The following RAPGEF2 variants were observed in gnomAD, a reference collection of about 807,000 sequenced individuals.
RAPGEF2 encodes the protein PDZ domain containing guanine nucleotide exchange factor (GEF) 1.
In RAPGEF2, 54 loss-of-function variants were observed where a neutral mutation model predicts 186.7. The ratio of observed to expected loss-of-function variants is 0.29; its 90% CI spans 0.23 to 0.36. RAPGEF2 has a LOEUF of 0.36. RAPGEF2 is among the 10% of genes least tolerant of loss of function. The pLI, the probability that RAPGEF2 is intolerant of heterozygous loss-of-function variation, is 1.00. For missense variants in RAPGEF2, 1,532 were observed against 2,045.0 expected (o/e 0.75, Z 4.84); for synonymous variants, 712 against 705.9 (o/e 1.01, Z -0.14).
chr4:159,326,649 C>T (rs1765964686), intron 11 of RAPGEF2: 1 of 152,202 alleles, frequency 6.6e-6, no homozygotes, highest in Admixed American at 6.5e-5. Flanking sequence ...TCTATTCTTA[C>T]TCCCTGTCTG....
chr4:159,123,665 C>T (rs1015167949), intron 1 of RAPGEF2, among the ~76,000 whole-genome samples: 25 of 150,706 alleles, frequency 1.7e-4, no homozygotes, highest in African/African-American at 5.9e-4. Flanking sequence ...ACTACAGGCG[C>T]CCACCACCGC....
chr4:159,286,881 A>C (rs1185732391), intron 7 of RAPGEF2, among the ~76,000 whole-genome samples: 1 of 152,108 alleles, frequency 6.6e-6, no homozygotes, highest in African/African-American at 2.4e-5. Context: ...TCATGTTATT[A>C]CTGCTTGATT....
intron 3 of RAPGEF2, among the ~76,000 whole-genome samples, chr4:159,206,610 A>C (rs1479747570): frequency 6.6e-6 from 1 of 152,194 alleles, no homozygotes; most frequent in Non-Finnish European, 1.5e-5. Context: ...AGCTAGCTGC[A>C]CTGTGGAAAG....
At chr4:159,148,226 A>T (rs1264076696) in intron 1 of RAPGEF2, among the ~76,000 whole-genome samples, 1 of 152,140 alleles carries the variant, frequency 6.6e-6, no homozygotes, top group Non-Finnish European at 1.5e-5. Context: ...CTTCAACCAC[A>T]TTTACAGTTA....
intron 7 of RAPGEF2, among the ~76,000 whole-genome samples, chr4:159,302,333 C>T (rs959971320): frequency 1.9e-4 from 18 of 92,762 alleles, no homozygotes; most frequent in Non-Finnish European, 3.4e-4. Context: ...TCATTTGACA[C>T]GTTAATTTTT....
rs747763866 is a variant in RAPGEF2 at position 159,332,048 on chromosome 4, A to G, written c.1888+14A>G. ...CCAATTTATTTGGTAAGTATTTTGC[A>G]TACTTTTCATTTTTCTCCTTTTGGC... On this transcript the variant is annotated intron_variant, in intron 16 of 29. Coordinates refer to ENST00000691494, the MANE Select transcript of RAPGEF2 (RefSeq NM_001394067.2). 15 of 1,521,224 alleles carry G rather than the reference A, an allele frequency of 9.9e-6. No individual in the cohort carries two copies. In the South Asian group the frequency reaches 1.6e-4, roughly 16 times the overall value. 94.2% of individuals were successfully genotyped at this position (1,521,224 alleles called of 1,614,324 possible).
At chr4:159,265,200 G>A (rs1409738494) in intron 7 of RAPGEF2, among the ~76,000 whole-genome samples, 4 of 152,122 alleles carry the variant, frequency 2.6e-5, no homozygotes, top group Non-Finnish European at 4.4e-5. Flanking sequence ...TGCTTGGTGC[G>A]GTGAACACAG....
chr4:159,197,618 T>C (rs1748790203), intron 3 of RAPGEF2, among the ~76,000 whole-genome samples: 1 of 152,230 alleles, frequency 6.6e-6, no homozygotes, highest in South Asian at 2.1e-4. Flanking sequence ...GTTGGGTCTT[T>C]TAAAGCATTT....
intron 1 of RAPGEF2, among the ~76,000 whole-genome samples, chr4:159,166,203 A>G (rs1745296763): frequency 6.6e-6 from 1 of 152,104 alleles, no homozygotes; most frequent in Non-Finnish European, 1.5e-5. Context: ...AGTCCCAGCT[A>G]CTTGGGAGGC....
intron 7 of RAPGEF2, among the ~76,000 whole-genome samples, chr4:159,290,164 G>C (rs1761013465): frequency 6.6e-6 from 1 of 152,206 alleles, no homozygotes; most frequent in Non-Finnish European, 1.5e-5. Flanking sequence ...CCACAGTGAA[G>C]TGGGTTCATA....
chr4:159,332,816 G>A, intron 17 of RAPGEF2, 119 bp downstream of exon 17: 1 of 1,251,496 alleles, frequency 8.0e-7, no homozygotes, highest in Non-Finnish European at 1.1e-6. Flanking sequence ...TTATGACTGA[G>A]CTATTTTGGA....
intron 7 of RAPGEF2, among the ~76,000 whole-genome samples, chr4:159,301,298 G>A (rs990714754): frequency 6.6e-6 from 1 of 152,130 alleles, no homozygotes; most frequent in Non-Finnish European, 1.5e-5. Context: ...AAATCCGGAA[G>A]GGTGGAAGTT....
At chr4:159,299,858 G>A (rs1213600136) in intron 7 of RAPGEF2, among the ~76,000 whole-genome samples, 3 of 151,438 alleles carry the variant, frequency 2.0e-5, no homozygotes, top group African/African-American at 7.3e-5. Flanking sequence ...GCTAATTATG[G>A]TAGCATCTGT....
intron 6 of RAPGEF2, among the ~76,000 whole-genome samples, chr4:159,243,272 T>A (rs569140825): frequency 6.6e-6 from 1 of 152,004 alleles, no homozygotes; most frequent in Admixed American, 6.6e-5. Flanking sequence ...ACTAAATGAG[T>A]TAAGATTGGC....
intron 3 of RAPGEF2, among the ~76,000 whole-genome samples, chr4:159,210,135 A>G (rs1239833447): frequency 1.3e-5 from 2 of 152,238 alleles, no homozygotes; most frequent in African/African-American, 4.8e-5. Flanking sequence ...CTTGCTGGAC[A>G]GGGAAAATGA....
chr4:159,303,364 C>T (rs1303382280), intron 7 of RAPGEF2, among the ~76,000 whole-genome samples: 2 of 152,020 alleles, frequency 1.3e-5, no homozygotes. Flanking sequence ...AACTATTTGC[C>T]AGCTAAATAG....
At chr4:159,219,494 T>C (rs1170456014) in intron 4 of RAPGEF2, among the ~76,000 whole-genome samples, 5 of 151,654 alleles carry the variant, frequency 3.3e-5, no homozygotes, top group African/African-American at 7.3e-5. Flanking sequence ...TAGCTGGGAC[T>C]ACAGGCACCC....
intron 4 of RAPGEF2, among the ~76,000 whole-genome samples, chr4:159,211,235 G>T (rs1282479923): frequency 6.6e-6 from 1 of 152,116 alleles, no homozygotes; most frequent in East Asian, 1.9e-4. Flanking sequence ...GGTTGGGGCG[G>T]ATGTATTCCT....
At position 159,210,591 on chromosome 4, in the gene RAPGEF2, A is replaced by G; in HGVS notation, c.281+8A>G. On this transcript the variant is annotated splice_region_variant and intron_variant, in intron 4 of 29. Transcript: ENST00000691494. Reference sequence around the variant, plus strand: ...GTTTCTTCCAAGAAGCAGGTATTGTATAGACATTCTGTAATAGATTATCCA... The same window carrying G: ...GTTTCTTCCAAGAAGCAGGTATTGTGTAGACATTCTGTAATAGATTATCCA... 1.3e-6 allele frequency: 2 copies of G among 1,503,466 alleles called. No individual in the cohort carries two copies. The highest frequency in any genetic ancestry group is 1.8e-6 in the Non-Finnish European group (2 of 1,117,968). The allele number at this position is 1,503,466 out of a possible 1,614,324, so 93.1% of individuals were successfully genotyped here.
Sources: gnomAD v4.1 joint callset for allele counts (sites outside exome capture counted in the v4.1 genomes callset) on GRCh38, gnomAD v4.1.1 for gene constraint, MANE v1.5 for transcripts, NCBI Gene and HGNC (gene_info 2026-07-23, HGNC 2026-07-21) for gene names.